The following PPP2R2C variants were observed in gnomAD, a reference collection of about 807,000 sequenced individuals.
PPP2R2C encodes the protein protein phosphatase 2, regulatory subunit B, gamma.
Under a neutral mutation model 45.3 loss-of-function variants are expected in PPP2R2C, and 10 were observed. That is an observed-to-expected ratio of 0.22 (90% CI 0.14 to 0.37). PPP2R2C has a LOEUF of 0.37. PPP2R2C is among the 10% of genes least tolerant of loss of function. The pLI, the probability that PPP2R2C is intolerant of heterozygous loss-of-function variation, is 1.00. For synonymous variants in PPP2R2C, 257 were observed against 245.4 expected (o/e 1.05, Z -0.44); for missense variants, 308 against 619.7 (o/e 0.50, Z 5.34).
rs1305920176 is a variant in PPP2R2C at position 6,471,516 on chromosome 4, G to A, written c.70+644C>T. The A allele has an allele frequency of 1.3e-5, 2 of 152,144 alleles. No homozygotes were observed. Among genetic ancestry groups the A allele is most frequent in the African/African-American group, 4.8e-5 (2 of 41,420 alleles). The allele number at this position is 152,144 out of a possible 1,614,324, so 9.4% of individuals were successfully genotyped here. A position where few individuals can be genotyped will look rare whatever the true frequency, so the allele number is the denominator to read the frequency against. On this transcript the variant is annotated intron_variant, in intron 1 of 8. Transcript: ENST00000382599. The surrounding 1 kb of genome is among the most constrained non-coding windows in gnomAD (Gnocchi z 5.6). Reference sequence around the variant, plus strand: ...TGGGATGGCATGTCCCACTTTTTTGGAAAATCCCGACAGTTAGCCCAGCTG... The same window carrying A: ...TGGGATGGCATGTCCCACTTTTTTGAAAAATCCCGACAGTTAGCCCAGCTG...
chr4:6,474,952 C>A (rs952556982), upstream of PPP2R2C, among the ~76,000 whole-genome samples: 2 of 152,204 alleles, frequency 1.3e-5, no homozygotes, highest in African/African-American at 4.8e-5. Context: ...CACCCCCAGC[C>A]TCTCTGTACA....
intron 5 of PPP2R2C, among the ~76,000 whole-genome samples, chr4:6,366,739 G>A (rs144536308): frequency 2.2e-4 from 34 of 152,268 alleles, no homozygotes; most frequent in South Asian, 1.5e-3. Context: ...AAGGGATGGC[G>A]GATGGCAGTG....
At chr4:6,415,509 C>A (rs190761724) in intron 1 of PPP2R2C, among the ~76,000 whole-genome samples, 1 of 152,332 alleles carries the variant, frequency 6.6e-6, no homozygotes, top group Admixed American at 6.5e-5. Context: ...TCAGAACCCA[C>A]GCTGATCCAG....
intron 2 of PPP2R2C, among the ~76,000 whole-genome samples, chr4:6,486,005 A>G (rs950554352): frequency 3.3e-5 from 5 of 151,898 alleles, no homozygotes; most frequent in African/African-American, 4.8e-5. Flanking sequence ...ACTTCCTTCT[A>G]TTCCAATATA....
At chr4:6,433,369 C>T (rs570521598) in intron 1 of PPP2R2C, among the ~76,000 whole-genome samples, 2 of 152,084 alleles carry the variant, frequency 1.3e-5, no homozygotes. Context: ...CCAGTGGTGG[C>T]ATGAGTTTCC....
chr4:6,465,778 G>A (rs1721561988), intron 1 of PPP2R2C, among the ~76,000 whole-genome samples: 2 of 152,182 alleles, frequency 1.3e-5, no homozygotes, highest in Admixed American at 1.3e-4. Context: ...AAATGCACAA[G>A]TTATATTTCG....
At chr4:6,342,530 C>A (rs554443152) in intron 6 of PPP2R2C, among the ~76,000 whole-genome samples, 1 of 152,332 alleles carries the variant, frequency 6.6e-6, no homozygotes, top group African/African-American at 2.4e-5. Flanking sequence ...GGGCCAGGCA[C>A]GTCGTTGGGG....
chr4:6,379,405 G>T (rs1344477850), intron 2 of PPP2R2C, among the ~76,000 whole-genome samples: 1 of 152,168 alleles, frequency 6.6e-6, no homozygotes, highest in African/African-American at 2.4e-5. Context: ...AGATTTCCTG[G>T]TAATTTTTTT....
At chr4:6,335,704 T>C (rs1215801624) in intron 6 of PPP2R2C, among the ~76,000 whole-genome samples, 2 of 151,076 alleles carry the variant, frequency 1.3e-5, no homozygotes, top group African/African-American at 4.9e-5. Context: ...GGTGTCACCA[T>C]CCTGATCCCA....
At chr4:6,448,775 C>T (rs1577191018) in intron 1 of PPP2R2C, among the ~76,000 whole-genome samples, 1 of 152,190 alleles carries the variant, frequency 6.6e-6, no homozygotes, top group East Asian at 1.9e-4. Context: ...GTCCTCCTCC[C>T]CCCAGTGAGC....
intron 4 of PPP2R2C, among the ~76,000 whole-genome samples, chr4:6,374,188 C>T (rs1473170674): frequency 1.3e-5 from 2 of 152,142 alleles, no homozygotes; most frequent in Admixed American, 6.5e-5. Flanking sequence ...TGGAGAAGGG[C>T]AGAGCATCAC....
At chr4:6,479,122 C>G (rs1722264040) in intron 2 of PPP2R2C, among the ~76,000 whole-genome samples, 1 of 152,212 alleles carries the variant, frequency 6.6e-6, no homozygotes, top group African/African-American at 2.4e-5. Flanking sequence ...ACAAACCGCA[C>G]CTTTCTCCCA....
At chr4:6,499,979 G>T (rs1335292051) in intron 2 of PPP2R2C, among the ~76,000 whole-genome samples, 1 of 152,004 alleles carries the variant, frequency 6.6e-6, no homozygotes, top group Non-Finnish European at 1.5e-5. Context: ...GGAATTATTT[G>T]TTGATCCATG....
intron 6 of PPP2R2C, among the ~76,000 whole-genome samples, chr4:6,342,854 G>C (rs1733561725): frequency 1.3e-5 from 2 of 152,222 alleles, no homozygotes; most frequent in African/African-American, 4.8e-5. Context: ...AGGGGTCCAG[G>C]GAAGTCACAG....
chr4:6,332,428 GGCGGTCCCCATA>G lies in PPP2R2C; in HGVS notation c.960+1122_960+1133del, dbSNP rs1732481328. Among the ~76,000 whole-genome samples, 1 of 152,192 alleles carries G rather than the reference GGCGGTCCCCATA, an allele frequency of 6.6e-6. No individual in the cohort carries two copies. Among genetic ancestry groups the G allele is most frequent in the Admixed American group, 6.5e-5 (1 of 15,284 alleles). On this transcript the variant is annotated intron_variant, in intron 7 of 8. Coordinates refer to ENST00000382599, the MANE Select transcript of PPP2R2C (RefSeq NM_020416.4). This position sits in a 1 kb window ranked among gnomAD's most constrained non-coding sequence, Gnocchi z 4.9. ...AGTAAACACACGTGGCTGACAAACA[GGCGGTCCCCATA>G]GCGGTCCTTGTGGGTGTGTGGCTTC...
At chr4:6,338,409 T>A (rs1297445533) in intron 6 of PPP2R2C, among the ~76,000 whole-genome samples, 2 of 152,152 alleles carry the variant, frequency 1.3e-5, no homozygotes, top group Admixed American at 6.5e-5. Flanking sequence ...CCCCCATCCC[T>A]GGCTCAGGCC....
At position 6,397,550 on chromosome 4, in the gene PPP2R2C, G is replaced by C; in HGVS notation, c.71-16456C>G. ...CCTCATGCAAGAGCCTCTTGCATGA[G>C]GTTCCAAGAACCTCACAAGTTCTTG... On this transcript the variant is annotated intron_variant, in intron 1 of 8. Transcript: ENST00000382599. Among the ~76,000 whole-genome samples the C allele has an allele frequency of 2.5e-5, 2 of 79,196 alleles. 1 individual carries two copies. The highest frequency in any genetic ancestry group is 6.2e-5 in the Non-Finnish European group (2 of 32,156). 52.0% of individuals were successfully genotyped at this position (79,196 alleles called of 152,430 possible). A position where few individuals can be genotyped will look rare whatever the true frequency, so the allele number is the denominator to read the frequency against.
At chr4:6,509,162 A>C (rs1285823775) in intron 2 of PPP2R2C, among the ~76,000 whole-genome samples, 2 of 152,218 alleles carry the variant, frequency 1.3e-5, no homozygotes, top group African/African-American at 4.8e-5. Flanking sequence ...AAACAGCTTG[A>C]ACTTCTCAGA....
intron 1 of PPP2R2C, among the ~76,000 whole-genome samples, chr4:6,391,244 A>C (rs1052436792): frequency 6.6e-6 from 1 of 152,000 alleles, no homozygotes; most frequent in African/African-American, 2.4e-5. Flanking sequence ...CTTGGAAACA[A>C]TCCCTGTTCC....
Sources: gnomAD v4.1 joint callset for allele counts (sites outside exome capture counted in the v4.1 genomes callset) on GRCh38, gnomAD v4.1.1 for gene constraint, Gnocchi (gnomAD v3.1) non-coding constraint, MANE v1.5 for transcripts, NCBI Gene and HGNC (gene_info 2026-07-23, HGNC 2026-07-21) for gene names.